Variants in ZNF678 observed in about 807,000 individuals in gnomAD.
ZNF678 encodes zinc finger protein 678.
Under a neutral mutation model 3.0 loss-of-function variants are expected in ZNF678, and 5 were observed. The observed-to-expected ratio is 1.69, with a 90% CI of 0.88 to 3.56. The LOEUF (loss-of-function observed/expected upper bound fraction) is 3.56. ZNF678 is among the 30% of genes most tolerant of loss of function. The probability of loss-of-function intolerance (pLI) is 0.00; values close to 1 mark genes in which losing one functional copy is unlikely to be tolerated. For synonymous variants in ZNF678, 218 were observed against 199.6 expected (o/e 1.09, Z -0.78); for missense variants, 593 against 605.0 (o/e 0.98, Z 0.21).
chr1:227,633,472 C>T (rs1658602016), intron 1 of ZNF678, among the ~76,000 whole-genome samples: 1 of 152,132 alleles, frequency 6.6e-6, no homozygotes, highest in Non-Finnish European at 1.5e-5. Flanking sequence ...TTACAAGCCC[C>T]GTGTTTAAAG....
intron 1 of ZNF678, among the ~76,000 whole-genome samples, chr1:227,569,081 T>C (rs990051686): frequency 6.6e-6 from 1 of 152,140 alleles, no homozygotes; most frequent in Non-Finnish European, 1.5e-5. Context: ...AACCTGGAAA[T>C]CTTGGGCTCA....
At chr1:227,606,127 G>T (rs1251993428) in intron 1 of ZNF678, among the ~76,000 whole-genome samples, 1 of 152,174 alleles carries the variant, frequency 6.6e-6, no homozygotes, top group Non-Finnish European at 1.5e-5. Flanking sequence ...AGAACAGGGG[G>T]CCCAGGGGAC....
At chr1:227,574,259 C>T (rs1289009564) in intron 1 of ZNF678, among the ~76,000 whole-genome samples, 1 of 152,188 alleles carries the variant, frequency 6.6e-6, no homozygotes, top group African/African-American at 2.4e-5. Context: ...CTGTCTTCCA[C>T]AATAGCTGAA....
chr1:227,592,181 T>C (rs1657433182), intron 1 of ZNF678, among the ~76,000 whole-genome samples: 1 of 152,250 alleles, frequency 6.6e-6, no homozygotes, highest in African/African-American at 2.4e-5. Context: ...TGTTGTAAAC[T>C]TCAGTGGTTA....
downstream of ZNF678, among the ~76,000 whole-genome samples, chr1:227,666,805 C>T (rs1299569704): frequency 1.4e-5 from 2 of 141,370 alleles, no homozygotes; most frequent in African/African-American, 5.4e-5. Flanking sequence ...AGTGCAATGG[C>T]AGGATCTTGG....
intron 1 of ZNF678, among the ~76,000 whole-genome samples, chr1:227,608,278 T>A (rs1424427509): frequency 6.6e-6 from 1 of 151,102 alleles, no homozygotes; most frequent in Admixed American, 6.6e-5. Context: ...TCCAACTGAT[T>A]TTTTTTTTAA....
intron 1 of ZNF678, among the ~76,000 whole-genome samples, chr1:227,568,313 C>CTT (rs3033456): frequency 0.21 from 31,323 of 149,382 alleles, 3,395 homozygotes; most frequent in Admixed American, 0.28. Context: ...TGAACAAGTA[C>CTT]TTTTTTTTTT....
chr1:227,566,832 G>A (rs1239574993), intron 1 of ZNF678, among the ~76,000 whole-genome samples: 1 of 152,304 alleles, frequency 6.6e-6, no homozygotes, highest in African/African-American at 2.4e-5. Context: ...TCATCAGAGT[G>A]AGTGTAGTAA....
intron 2 of ZNF678, 68 bp from the exon 3 acceptor site, chr1:227,650,888 A>G (rs2102801541): frequency 7.9e-7 from 1 of 1,272,490 alleles, no homozygotes; most frequent in Non-Finnish European, 1.1e-6. Flanking sequence ...AAACAGCAGT[A>G]TTTTTACTTC....
At chr1:227,671,894 A>C (rs141338093) in intron 5 of ZNF678, among the ~76,000 whole-genome samples, 1 of 152,140 alleles carries the variant, frequency 6.6e-6, no homozygotes, top group Non-Finnish European at 1.5e-5. Context: ...TTTAAAATGT[A>C]AAAAAATAGG....
At chr1:227,633,635 C>T (rs1360002661) in intron 1 of ZNF678, among the ~76,000 whole-genome samples, 2 of 152,166 alleles carry the variant, frequency 1.3e-5, no homozygotes, top group Non-Finnish European at 2.9e-5. Context: ...AAAACTGAAC[C>T]AAACTCAGCT....
chr1:227,606,259 G>A (rs909331181), intron 1 of ZNF678, among the ~76,000 whole-genome samples: 3 of 152,160 alleles, frequency 2.0e-5, no homozygotes, highest in African/African-American at 7.2e-5. Flanking sequence ...GGTGAATAGG[G>A]TGATGGTGGG....
intron 1 of ZNF678, among the ~76,000 whole-genome samples, chr1:227,641,167 C>T (rs561279505): frequency 5.3e-5 from 8 of 152,234 alleles, no homozygotes; most frequent in Admixed American, 3.3e-4. Flanking sequence ...GCCTGCTCTC[C>T]GGAGTGGAGG....
chr1:227,678,948 C>G (rs901917346), downstream of ZNF678, among the ~76,000 whole-genome samples: 3 of 152,132 alleles, frequency 2.0e-5, no homozygotes, highest in African/African-American at 7.2e-5. Context: ...GGAGTCTTAA[C>G]AGCAGTGGGA....
intron 1 of ZNF678, chr1:227,599,105 G>T: frequency 6.3e-7 from 1 of 1,592,156 alleles, no homozygotes; most frequent in Non-Finnish European, 8.6e-7. Context: ...CCTTGATCTC[G>T]CCATTGCTAT....
At chr1:227,662,808 A>G (rs541329229), downstream of ZNF678, among the ~76,000 whole-genome samples, 21 of 152,310 alleles carry the variant, frequency 1.4e-4, no homozygotes, top group South Asian at 1.5e-3. Flanking sequence ...TAATCTGGCT[A>G]TACCTATTAA....
intron 3 of ZNF678, among the ~76,000 whole-genome samples, chr1:227,651,953 G>A (rs1477613840): frequency 6.6e-6 from 1 of 152,152 alleles, no homozygotes; most frequent in Admixed American, 6.6e-5. Context: ...AGGACCTCCT[G>A]TTCCAACAAC....
chr1:227,572,857 C>T (rs946084572), intron 1 of ZNF678, among the ~76,000 whole-genome samples: 1 of 152,182 alleles, frequency 6.6e-6, no homozygotes, highest in African/African-American at 2.4e-5. Flanking sequence ...TAGAGATTCT[C>T]AGTGTCTGGC....
chr1:227,630,376 T>C (rs1407114198), intron 1 of ZNF678, among the ~76,000 whole-genome samples: 1 of 152,208 alleles, frequency 6.6e-6, no homozygotes, highest in African/African-American at 2.4e-5. Flanking sequence ...CCTGCTGGCC[T>C]GTGGGGGAAT....
Sources: allele counts gnomAD v4.1 joint callset (sites outside exome capture counted in the v4.1 genomes callset), GRCh38; gene constraint gnomAD v4.1.1; transcripts MANE v1.5; gene names NCBI Gene and HGNC (gene_info 2026-07-23, HGNC 2026-07-21).